The following TCTN2 variants were observed in gnomAD, a reference collection of about 807,000 sequenced individuals.
The protein encoded by TCTN2 is tectonic family member 2.
TCTN2 carries 66 observed loss-of-function variants against 83.4 expected under a neutral mutation model. The ratio of observed to expected loss-of-function variants is 0.79; its 90% CI spans 0.65 to 0.97. The LOEUF is 0.97. TCTN2 is among the 50% of genes least tolerant of loss of function. TCTN2 has a pLI of 0.00. For synonymous variants in TCTN2, 301 were observed against 326.7 expected, an observed-to-expected ratio of 0.92 and a Z score of 0.85; for missense variants, 794 against 858.1, an observed-to-expected ratio of 0.93 and a Z score of 0.93.
chr12:123,675,078 A>G (rs1450604868), intron 4 of TCTN2, among the ~76,000 whole-genome samples: 1 of 151,862 alleles, frequency 6.6e-6, no homozygotes, highest in Non-Finnish European at 1.5e-5. Context: ...GGGTCTCACT[A>G]TGTTAGCCAG....
Position 123,671,198 on chromosome 12 carries a change from T to C in TCTN2, c.-43T>C, listed in dbSNP as rs1955743955. On this transcript the variant is annotated 5_prime_UTR_variant, in exon 1 of 18. The change abolishes an upstream ATG in the 5' untranslated region. Transcript: ENST00000303372. ...TGTCTGAGTCCTTCCTGGGTTCTAA[T>C]GAGGGCGCGGTTCTGCTGTGCCCGG... is the stretch of plus-strand genomic sequence containing the variant. 1.9e-6 allele frequency: 3 copies of C among 1,580,464 alleles called. No homozygotes were observed. The highest frequency in any genetic ancestry group is 1.8e-5 in the Admixed American group (1 of 56,920).
At chr12:123,694,313 G>C (rs1020726359) in intron 9 of TCTN2, among the ~76,000 whole-genome samples, 9 of 152,182 alleles carry the variant, frequency 5.9e-5, no homozygotes, top group African/African-American at 2.2e-4. Context: ...ATTTTTAGTA[G>C]AGACAGGGTT....
chr12:123,690,098 C>T (rs1157087587), intron 7 of TCTN2, among the ~76,000 whole-genome samples: 2 of 152,148 alleles, frequency 1.3e-5, no homozygotes, highest in African/African-American at 2.4e-5. Context: ...CTGCTCCCAA[C>T]CTGAAATCTT....
At position 123,695,300 on chromosome 12, in the gene TCTN2, A is replaced by G. The variant is rs1381902683; in HGVS notation, c.1312+3A>G. ...AGAAGAATTATCTGGAAATCCAGGT[A>G]AGATGAGTATATGCCAGTCATTGAT... On this transcript the variant is annotated splice_donor_region_variant and intron_variant, in intron 11 of 17. Coordinates refer to ENST00000303372, the MANE Select transcript of TCTN2 (RefSeq NM_024809.5). 2 of 1,560,508 alleles carry G rather than the reference A, an allele frequency of 1.3e-6. No homozygotes were observed. The highest frequency in any genetic ancestry group is 8.8e-7 in the Non-Finnish European group (1 of 1,131,422).
At chr12:123,687,112 A>G in intron 6 of TCTN2, 77 bp downstream of exon 6, 2 of 1,550,206 alleles carry the variant, frequency 1.3e-6, no homozygotes, top group Non-Finnish European at 1.8e-6. Flanking sequence ...TAGGCCCTGC[A>G]ACGCGGTCAC....
intron 5 of TCTN2, among the ~76,000 whole-genome samples, chr12:123,685,404 G>A (rs1955952335): frequency 6.6e-6 from 1 of 152,162 alleles, no homozygotes; most frequent in Non-Finnish European, 1.5e-5. Context: ...GAAAAATACA[G>A]ATGAATATCT....
intron 12 of TCTN2, chr12:123,696,798 CAT>C: frequency 3.8e-6 from 2 of 527,318 alleles, no homozygotes; most frequent in Non-Finnish European, 6.8e-6. Context: ...TAATTGGAGA[CAT>C]GAAAATAACT....
chr12:123,697,035 T>C (rs985756881), intron 12 of TCTN2, 52 bp from the exon 13 acceptor site: 5 of 1,420,892 alleles, frequency 3.5e-6, no homozygotes, highest in East Asian at 4.6e-5. Context: ...GAAGTTAATC[T>C]TTACTTTTGT....
In TCTN2 at chr12:123,708,012, T is replaced by G; in HGVS notation, c.*299T>G. ...CATGAGCCACCGCACCCGGCCTTTT[T>G]TTTTTTTTTTTTTTTTTTGAGGCGG... On this transcript the variant is annotated 3_prime_UTR_variant, in exon 18 of 18. Transcript: ENST00000303372. 4.3e-6 allele frequency: 1 copy of G among 235,250 alleles called. No homozygotes were observed. Among genetic ancestry groups the G allele is most frequent in the Non-Finnish European group, 7.8e-6 (1 of 128,092 alleles). 14.6% of individuals were successfully genotyped at this position (235,250 alleles called of 1,614,324 possible).
chr12:123,694,707 A>G (rs1956086378), intron 9 of TCTN2, 135 bp from the exon 10 acceptor site: 3 of 887,202 alleles, frequency 3.4e-6, no homozygotes, highest in South Asian at 2.9e-5. Flanking sequence ...TGACCGTGCC[A>G]TGTTAGGGAG....
At chr12:123,677,979 C>A (rs966644538) in intron 4 of TCTN2, among the ~76,000 whole-genome samples, 2 of 152,224 alleles carry the variant, frequency 1.3e-5, no homozygotes, top group Admixed American at 1.3e-4. Flanking sequence ...TTCTCTCTCT[C>A]TGCAAGTCTT....
In TCTN2 at chr12:123,707,595, G is replaced by C; in HGVS notation, c.1985-9G>C. ...ATACTGCTGTTGAATTTTGTCCATTGTTTTTCAGGGGAGCTGCATTCTCAG... is the reference window on the plus strand; with the variant it reads ...ATACTGCTGTTGAATTTTGTCCATTCTTTTTCAGGGGAGCTGCATTCTCAG... On this transcript the variant is annotated splice_polypyrimidine_tract_variant and intron_variant, in intron 17 of 17. Coordinates refer to ENST00000303372, the MANE Select transcript of TCTN2 (RefSeq NM_024809.5). 1 of 1,613,328 alleles carries C rather than the reference G, an allele frequency of 6.2e-7. No individual in the cohort carries two copies.
chr12:123,675,742 C>T (rs1458413387), intron 4 of TCTN2, among the ~76,000 whole-genome samples: 3 of 152,086 alleles, frequency 2.0e-5, no homozygotes, highest in Non-Finnish European at 4.4e-5. Context: ...TAATGTGCTA[C>T]CAAGTTGGAG....
At chr12:123,687,171 C>G (rs1302956433) in intron 6 of TCTN2, 136 bp downstream of exon 6, 1 of 986,304 alleles carries the variant, frequency 1.0e-6, no homozygotes, top group Non-Finnish European at 1.6e-6. Flanking sequence ...GGGTTCAATT[C>G]TAGATTTCAG....
At position 123,673,695 on chromosome 12, in the gene TCTN2, C is replaced by T; in HGVS notation, c.348C>T (p.Ser116=). ...SSNETDSFSE[S]PCILQTLLVS... ...ATGAGACAGATTCCTTCTCAGAGTC[C>T]CCCTGTATCCTCCAGACCCTTCTGG... Residue 116 remains serine (S), a synonymous_variant, in exon 4 of 18, where the codon TCC becomes TCT. Coordinates refer to ENST00000303372, the MANE Select transcript of TCTN2 (RefSeq NM_024809.5). The T allele has an allele frequency of 6.2e-7, 1 of 1,614,166 alleles. No homozygotes were observed. Among genetic ancestry groups the T allele is most frequent in the Non-Finnish European group, 8.5e-7 (1 of 1,180,024 alleles).
At position 123,671,424 on chromosome 12, in the gene TCTN2, C is replaced by T. The variant is rs188213471; in HGVS notation, c.83-83C>T. The T allele has an allele frequency of 3.5e-3, 5,597 of 1,588,460 alleles. 17 individuals carry two copies. The highest frequency in any genetic ancestry group is 4.6e-3 in the Non-Finnish European group (5,351 of 1,156,918). On this transcript the variant is annotated intron_variant, in intron 1 of 17. Transcript: ENST00000303372. ...CCCCGGGAGCTTCGGGAGTCGACAA[C>T]GCCAAAGCAAGCCGCCACACACACC...
At chr12:123,682,889 ATATT>A (rs112413359) in intron 5 of TCTN2, among the ~76,000 whole-genome samples, 54,185 of 151,554 alleles carry the variant, frequency 0.36, 10,103 homozygotes, top group African/African-American at 0.41. Context: ...TTCTGGTGTC[ATATT>A]TCAGAAACCA....
At chr12:123,684,436 C>T (rs954013720) in intron 5 of TCTN2, among the ~76,000 whole-genome samples, 7 of 147,856 alleles carry the variant, frequency 4.7e-5, no homozygotes, top group East Asian at 2.0e-4. Flanking sequence ...AGTCTTGATC[C>T]GTCGCCCAGG....
rs1276945951 is a variant in TCTN2 at position 123,686,708 on chromosome 12, CACAGA to C, written c.565-127_565-123del. 2.7e-4 allele frequency: 247 copies of C among 902,384 alleles called. 1 individual carries two copies. Among genetic ancestry groups the C allele is most frequent in the Non-Finnish European group, 3.6e-5 (20 of 556,828 alleles). 55.9% of individuals were successfully genotyped at this position (902,384 alleles called of 1,614,324 possible). A position where few individuals can be genotyped will look rare whatever the true frequency, so the allele number is the denominator to read the frequency against. On this transcript the variant is annotated intron_variant, in intron 5 of 17. Coordinates refer to ENST00000303372, the MANE Select transcript of TCTN2 (RefSeq NM_024809.5). Reference sequence around the variant, plus strand: ...GGGCACAAGGCACTTTTAGATGAGACACAGATTATAGGTTTTCTTGCTTACTTGGT... The same window carrying C: ...GGGCACAAGGCACTTTTAGATGAGACTTATAGGTTTTCTTGCTTACTTGGT...
Sources: allele counts gnomAD v4.1 joint callset (sites outside exome capture counted in the v4.1 genomes callset), GRCh38; gene constraint gnomAD v4.1.1; transcripts MANE v1.5; gene names NCBI Gene and HGNC (gene_info 2026-07-23, HGNC 2026-07-21).